The following SLC39A5 variants were observed in gnomAD, a reference collection of about 807,000 sequenced individuals.
The protein encoded by SLC39A5 is zinc transporter ZIP5.
SLC39A5 carries 42 observed loss-of-function variants against 46.9 expected under a neutral mutation model. The observed-to-expected ratio is 0.90, with a 90% CI of 0.70 to 1.16. The LOEUF (loss-of-function observed/expected upper bound fraction) is 1.16. Among genes scored for constraint, SLC39A5 ranks in the 50% most tolerant of loss-of-function variants. The pLI is 0.00. For missense variants in SLC39A5, 677 were observed against 686.8 expected (o/e 0.99, Z 0.16); for synonymous variants, 311 against 323.1 (o/e 0.96, Z 0.40).
At chr12:56,231,079 G>C in intron 3 of SLC39A5, 125 bp from the exon 4 acceptor site, 1 of 566,862 alleles carries the variant, frequency 1.8e-6, no homozygotes, top group Non-Finnish European at 3.0e-6. Context: ...TGTGAAGGGA[G>C]AAAGAAGGCT....
chr12:56,234,983 T>C lies in SLC39A5; in HGVS notation c.631T>C (p.Ser211Pro). ...PAPAPPGDLLSALLQSALAVL... is the reference protein window; with the variant it reads ...PAPAPPGDLLPALLQSALAVL... ...CCCTGCACCCCCAGGGGATCTACTA[T>C]CTGGTCAGCAAGTAGGAGTGGGTGG... The change falls in exon 6 of 13, where the codon TCT becomes CCT. Residue 211 changes from serine (S) to proline (P), a missense_variant. Physicochemically the swap from Ser to Pro is moderately conservative, Grantham distance 74. Coordinates refer to ENST00000454355, the MANE Select transcript of SLC39A5 (RefSeq NM_173596.3). 1.2e-6 allele frequency: 2 copies of C among 1,613,110 alleles called. No homozygotes were observed. Among genetic ancestry groups the C allele is most frequent in the Admixed American group, 1.7e-5 (1 of 60,010 alleles).
At position 56,232,779 on chromosome 12, in the gene SLC39A5, T is replaced by A. The variant is rs1188432786; in HGVS notation, c.378T>A (p.Pro126=). ...GTGACCTGGAAGAGTCAAAGGCCCC[T>A]CACCTACCCCGTGGGCCAGCCCCCT... ...GWGDLEESKA[P]HLPRGPAPSG... is the part of the protein sequence containing the mutation. Residue 126 remains proline, a synonymous_variant, in exon 5 of 13, where the codon CCT becomes CCA. Transcript: ENST00000454355. The A allele has an allele frequency of 1.2e-6, 2 of 1,612,510 alleles. No homozygotes were observed.
Position 56,237,714 on chromosome 12 carries a change from G to A in SLC39A5, c.1606G>A (p.Val536Met), listed in dbSNP as rs754850184. The change falls in exon 13 of 13, where the codon GTG becomes ATG. Residue 536 changes from valine (V) to methionine (M), a missense_variant. Transcript: ENST00000454355. Reference sequence around the variant, plus strand: ...CCTGCTGGAGGAGCGGCTACTGCCCGTGACCACTGAGGGCTGATGGGGCCA... The same window carrying A: ...CCTGCTGGAGGAGCGGCTACTGCCCATGACCACTGAGGGCTGATGGGGCCA... ...ITLLEERLLP[V>M]TTEG 64 of 1,576,658 alleles carry A rather than the reference G, an allele frequency of 4.1e-5. No homozygotes were observed. The highest frequency in any genetic ancestry group is 5.4e-5 in the African/African-American group (4 of 73,624).
rs1565597130 is a variant in SLC39A5 at position 56,231,395 on chromosome 12, G to C, written c.121G>C (p.Ala41Pro). ...TGAGCAGGAGCAGAACCATTACCTGGCCCAGCTGTTTGGCCTGTACGGCGA... is the reference window on the plus strand; with the variant it reads ...TGAGCAGGAGCAGAACCATTACCTGCCCCAGCTGTTTGGCCTGTACGGCGA... ...PAEQEQNHYL[A>P]QLFGLYGENG... Residue 41 changes from alanine (A) to proline (P), a missense_variant, in exon 4 of 13, where the codon GCC becomes CCC. Physicochemically the swap from Ala to Pro is conservative, Grantham distance 27. Coordinates refer to ENST00000454355, the MANE Select transcript of SLC39A5 (RefSeq NM_173596.3). The C allele has an allele frequency of 6.2e-7, 1 of 1,614,086 alleles. No individual in the cohort carries two copies. Among genetic ancestry groups the C allele is most frequent in the East Asian group, 2.2e-5 (1 of 44,870 alleles).
chr12:56,237,595 C>A lies in SLC39A5; in HGVS notation c.1487C>A (p.Ala496Asp), dbSNP rs764342375. 6.2e-7 allele frequency: 1 copy of A among 1,613,812 alleles called. No individual in the cohort carries two copies. The highest frequency in any genetic ancestry group is 1.1e-5 in the South Asian group (1 of 91,084). Residue 496 changes from alanine (A) to aspartate (D), a missense_variant, in exon 13 of 13, where the codon GCC (alanine) becomes GAC (aspartate). Transcript: ENST00000454355. ...ATCCTCTTTTTCTTTCAGCTACCAG[C>A]CCTGCTTCGTCCTCCGGAGCCCCTG... ...LYVALVDMLP[A>D]LLRPPEPLPT...
intron 4 of SLC39A5, among the ~76,000 whole-genome samples, chr12:56,231,964 C>T (rs1389345036): frequency 6.6e-6 from 1 of 151,604 alleles, no homozygotes; most frequent in African/African-American, 2.4e-5. Context: ...CTGGGCTCAG[C>T]TCAGCGATCT....
intron 5 of SLC39A5, among the ~76,000 whole-genome samples, chr12:56,233,120 G>A (rs1042052828): frequency 1.1e-4 from 17 of 151,916 alleles, no homozygotes; most frequent in African/African-American, 2.2e-4. Context: ...AAAATTAGCC[G>A]GGTGTGGTAA....
At position 56,235,253 on chromosome 12, in the gene SLC39A5, C is replaced by T; in HGVS notation, c.731C>T (p.Pro244Leu). 6.3e-7 allele frequency: 1 copy of T among 1,578,758 alleles called. No individual in the cohort carries two copies. Among genetic ancestry groups the T allele is most frequent in the Non-Finnish European group, 8.6e-7 (1 of 1,165,156 alleles). Residue 244 changes from proline (P) to leucine (L), a missense_variant, in exon 7 of 13, where the codon CCC becomes CTC. Physicochemically the swap from Pro to Leu is moderately conservative, Grantham distance 98 (BLOSUM62 -3). Transcript: ENST00000454355. Reference sequence around the variant, plus strand: ...CTCCTGGGACCTCGTCTACTACGGCCCTTGCTGGGCTTCCTGGGGGCCCTG... The same window carrying T: ...CTCCTGGGACCTCGTCTACTACGGCTCTTGCTGGGCTTCCTGGGGGCCCTG... Reference protein sequence around the residue: ...LRLLGPRLLRPLLGFLGALAV... With the variant: ...LRLLGPRLLRLLLGFLGALAV...
chr12:56,232,293 G>A (rs1870301281), intron 4 of SLC39A5, among the ~76,000 whole-genome samples: 1 of 150,822 alleles, frequency 6.6e-6, no homozygotes, highest in South Asian at 2.1e-4. Flanking sequence ...GGCCTCCTGA[G>A]TAGCTGGGAT....
intron 6 of SLC39A5, 65 bp from the exon 7 acceptor site, chr12:56,235,092 G>T (rs1005388922): frequency 1.7e-5 from 27 of 1,568,366 alleles, no homozygotes; most frequent in African/African-American, 2.7e-5. Context: ...TGTTCTCTCT[G>T]CTCCACCTTA....
At chr12:56,231,610 T>C in intron 4 of SLC39A5, 49 bp downstream of exon 4, 1 of 1,490,528 alleles carries the variant, frequency 6.7e-7, no homozygotes, top group South Asian at 1.4e-5. Context: ...CCAGGTCCTC[T>C]CAGTGCTTGC....
chr12:56,232,699 C>A lies in SLC39A5; in HGVS notation c.298C>A (p.Pro100Thr). The A allele has an allele frequency of 6.2e-7, 1 of 1,607,668 alleles. No individual in the cohort carries two copies. Among genetic ancestry groups the A allele is most frequent in the South Asian group, 1.1e-5 (1 of 90,314 alleles). The change falls in exon 5 of 13, where the codon CCT (proline) becomes ACT (threonine). Residue 100 changes from proline (P) to threonine (T), a missense_variant. Coordinates refer to ENST00000454355, the MANE Select transcript of SLC39A5 (RefSeq NM_173596.3). The part of the protein sequence containing the change: ...ADNSTHRPQN[P>T]ELSVDVWAGM... ...TCTCATCCATTCCAGGCCACAGAAC[C>A]CTGAGCTGAGTGTGGATGTCTGGGC...
At chr12:56,234,370 A>C (rs542166074) in intron 5 of SLC39A5, among the ~76,000 whole-genome samples, 1 of 147,234 alleles carries the variant, frequency 6.8e-6, no homozygotes, top group South Asian at 2.2e-4. Flanking sequence ...GCTGGAGTGC[A>C]CTGGTGCAAT....
Position 56,236,575 on chromosome 12 carries a change from C to G in SLC39A5, c.1043-7C>G. 6.2e-7 allele frequency: 1 copy of G among 1,612,796 alleles called. No individual in the cohort carries two copies. Among genetic ancestry groups the G allele is most frequent in the Non-Finnish European group, 8.5e-7 (1 of 1,179,028 alleles). On this transcript the variant is annotated splice_region_variant and splice_polypyrimidine_tract_variant and intron_variant, in intron 9 of 12. Transcript: ENST00000454355. ...CCACCAACACTGTCCTGTGCTTCTTCCCGCAGAGCCAGGGGCTCAGGGCCA... is the reference window on the plus strand; with the variant it reads ...CCACCAACACTGTCCTGTGCTTCTTGCCGCAGAGCCAGGGGCTCAGGGCCA...
intron 6 of SLC39A5, 65 bp from the exon 7 acceptor site, chr12:56,235,092 G>A (rs1005388922): frequency 6.4e-7 from 1 of 1,568,484 alleles, no homozygotes; most frequent in Middle Eastern, 1.7e-4. Context: ...TGTTCTCTCT[G>A]CTCCACCTTA....
rs781391170 is a variant in SLC39A5 at position 56,237,606 on chromosome 12, C to T, written c.1498C>T (p.Pro500Ser). ...LVDMLPALLR[P>S]PEPLPTPHVL... ...CTTTCAGCTACCAGCCCTGCTTCGT[C>T]CTCCGGAGCCCCTGCCTACGCCCCA... is the stretch of plus-strand genomic sequence containing the variant. Residue 500 changes from proline (P) to serine (S), a missense_variant, in exon 13 of 13, where the codon CCT becomes TCT. Coordinates refer to ENST00000454355, the MANE Select transcript of SLC39A5 (RefSeq NM_173596.3). 1.2e-6 allele frequency: 2 copies of T among 1,613,784 alleles called. No homozygotes were observed. The highest frequency in any genetic ancestry group is 1.7e-6 in the Non-Finnish European group (2 of 1,179,928).
At position 56,236,391 on chromosome 12, in the gene SLC39A5, T is replaced by G; in HGVS notation, c.946-5T>G. On this transcript the variant is annotated splice_region_variant and splice_polypyrimidine_tract_variant and intron_variant, in intron 8 of 12. Coordinates refer to ENST00000454355, the MANE Select transcript of SLC39A5 (RefSeq NM_173596.3). ...TCCACCAGGAGGGATGCCCTCCTAT[T>G]TCAGAGATGCTGCAGGCGAAAACGA... The G allele has an allele frequency of 6.2e-7, 1 of 1,614,134 alleles. No individual in the cohort carries two copies. Among genetic ancestry groups the G allele is most frequent in the South Asian group, 1.1e-5 (1 of 91,086 alleles).
At chr12:56,237,112 A>T (rs774410618) in intron 11 of SLC39A5, 38 bp from the exon 12 acceptor site, 4 of 1,613,100 alleles carry the variant, frequency 2.5e-6, no homozygotes, top group Non-Finnish European at 2.5e-6. Context: ...GGGGCACCCC[A>T]GCTTACTCCC....
At chr12:56,231,129 C>G (rs1870162810) in intron 3 of SLC39A5, 75 bp from the exon 4 acceptor site, 1 of 849,054 alleles carries the variant, frequency 1.2e-6, no homozygotes, top group Non-Finnish European at 1.8e-6. Context: ...GGAGCAGGTG[C>G]AAGGAGCTCT....
Sources: gnomAD v4.1 joint callset for allele counts (sites outside exome capture counted in the v4.1 genomes callset) on GRCh38, gnomAD v4.1.1 for gene constraint, MANE v1.5 for transcripts, NCBI Gene and HGNC (gene_info 2026-07-23, HGNC 2026-07-21) for gene names.